DBN1: variants seen among roughly 807,000 people sequenced by gnomAD.
The protein encoded by DBN1 is drebrin.
Under a neutral mutation model 83.5 loss-of-function variants are expected in DBN1, and 21 were observed. The observed-to-expected ratio is 0.25, with a 90% CI of 0.18 to 0.36. DBN1 has a LOEUF of 0.36. Among genes scored for constraint, DBN1 ranks in the 10% least tolerant of loss-of-function variants. The pLI is 1.00. For missense variants in DBN1, 874 were observed against 935.7 expected (o/e 0.93, Z 0.86); for synonymous variants, 381 against 384.9 (o/e 0.99, Z 0.12).
At position 177,467,840 on chromosome 5, in the gene DBN1, G is replaced by A. The variant is rs1757561432; in HGVS notation, c.256-23C>T. 1.3e-6 allele frequency: 2 copies of A among 1,575,424 alleles called. No individual in the cohort carries two copies. Among genetic ancestry groups the A allele is most frequent in the African/African-American group, 1.4e-5 (1 of 73,666 alleles). ...CACCTGCAAAGTACCCAGCAAAGAG[G>A]GGGTCAGGAAAGGACAAGGGGGGCC... On this transcript the variant is annotated intron_variant, in intron 3 of 14. Transcript: ENST00000393565. The surrounding 1 kb of genome is among the most constrained non-coding windows in gnomAD (Gnocchi z 9.1).
chr5:177,457,000 A>T lies in DBN1; in HGVS notation c.*433T>A, dbSNP rs889306053. 1.1e-5 allele frequency: 2 copies of T among 179,474 alleles called. No homozygotes were observed. The highest frequency in any genetic ancestry group is 4.8e-5 in the African/African-American group (2 of 41,906). The allele number at this position is 179,474 out of a possible 1,614,324, so 11.1% of individuals were successfully genotyped here. A position where few individuals can be genotyped will look rare whatever the true frequency, so the allele number is the denominator to read the frequency against. ...GTGCAAAATATCTGAAGCCCTGGAC[A>T]GAGAATACAAAGTGATATTTTCCCA... On this transcript the variant is annotated 3_prime_UTR_variant, in exon 15 of 15. Coordinates refer to ENST00000393565, the MANE Select transcript of DBN1 (RefSeq NM_001363541.2).
chr5:177,471,633 A>C (rs1757849324), intron 1 of DBN1, among the ~76,000 whole-genome samples: 1 of 152,030 alleles, frequency 6.6e-6, no homozygotes, highest in South Asian at 2.1e-4. Flanking sequence ...AGTGATCCTC[A>C]CACCCCTTTT....
In DBN1 at chr5:177,460,566, G is replaced by C; in HGVS notation, c.832-11C>G. ...AATAGCTGCTGCCTCCTGAGGGCAC[G>C]AGGAAAAGGTTGGGGCTGGGCCAGG... On this transcript the variant is annotated splice_polypyrimidine_tract_variant and intron_variant, in intron 9 of 14. Transcript: ENST00000393565. The C allele has an allele frequency of 6.2e-7, 1 of 1,614,174 alleles. No homozygotes were observed. The highest frequency in any genetic ancestry group is 8.5e-7 in the Non-Finnish European group (1 of 1,180,026).
intron 1 of DBN1, among the ~76,000 whole-genome samples, chr5:177,472,565 C>T (rs1757929830): frequency 6.6e-6 from 1 of 152,254 alleles, no homozygotes; most frequent in East Asian, 1.9e-4. Context: ...TGAGGGGCGG[C>T]CCAGCTCCTC....
chr5:177,468,675 C>T lies in DBN1; in HGVS notation c.142+169G>A, dbSNP rs2127402308. The T allele has an allele frequency of 6.6e-6, 3 of 451,510 alleles. No homozygotes were observed. In the East Asian group the frequency reaches 9.6e-5, roughly 14 times the overall value. 28.0% of individuals were successfully genotyped at this position (451,510 alleles called of 1,614,324 possible). On this transcript the variant is annotated intron_variant, in intron 2 of 14. Transcript: ENST00000393565. ...TTCAACAAGGCTCTGAGATTCCTCC[C>T]CACCCTGGGGACACAGGGATGACTG...
intron 1 of DBN1, among the ~76,000 whole-genome samples, chr5:177,471,745 G>A (rs1034409961): frequency 4.7e-4 from 71 of 152,202 alleles, no homozygotes; most frequent in Admixed American, 4.3e-3. Context: ...GGGGGCTGAC[G>A]CACACCAGTG....
At position 177,458,177 on chromosome 5, in the gene DBN1, A is replaced by C. The variant is rs28538572; in HGVS notation, c.1795T>G (p.Ser599Ala). The change falls in exon 13 of 15, where the codon TCC (serine) becomes GCC (alanine). Residue 599 changes from serine (S) to alanine (A), a missense_variant. Coordinates refer to ENST00000393565, the MANE Select transcript of DBN1 (RefSeq NM_001363541.2). ...GTTGGGGTCTGGGGGGCAGCCAGGG[A>C]CTCCCCTTCCACTTCCTCTGGGTCA... ...FCDPEEVEGE[S>A]LAAPQTPTLP... The C allele has an allele frequency of 6.2e-7, 1 of 1,613,094 alleles. No homozygotes were observed. The highest frequency in any genetic ancestry group is 1.7e-5 in the Admixed American group (1 of 60,018).
rs758262610 is a variant in DBN1 at position 177,467,616 on chromosome 5, CA to C, written c.341del (p.Val114GlyfsTer3). 1 of 1,572,926 alleles carries C rather than the reference CA, an allele frequency of 6.4e-7. No homozygotes were observed. The highest frequency in any genetic ancestry group is 8.6e-7 in the Non-Finnish European group (1 of 1,159,024). On this transcript the variant is annotated frameshift_variant, in exon 5 of 15. Transcript: ENST00000393565. LOFTEE classifies it high-confidence loss of function. The surrounding 1 kb of genome is among the most constrained non-coding windows in gnomAD (Gnocchi z 9.1). Reference protein sequence around the residue: ...KVAEFFQGVDVIVNASSVEDI... With the variant: ...KVAEFFQGVDXIVNASSVEDI... ...CTTCCACGCTGCTGGCGTTCACGAT[CA>C]CGTCGACACCCTTCCGCAAGAAGAC...
rs537131326 is a variant in DBN1, at chr5:177,460,273, C to T, written c.955+159G>A. ...ACCATCCCTGGCCCTTCTTGGGGTCCTGCCACCTGGGAAGTGGTGGGCGGA... is the reference window on the plus strand; with the variant it reads ...ACCATCCCTGGCCCTTCTTGGGGTCTTGCCACCTGGGAAGTGGTGGGCGGA... On this transcript the variant is annotated intron_variant, in intron 10 of 14. Transcript: ENST00000393565. 2.0e-5 allele frequency among the ~76,000 whole-genome samples: 3 copies of T among 152,346 alleles called. No individual in the cohort carries two copies. The East Asian group carries it at 5.8e-4, about 29-fold the overall frequency.
Position 177,473,441 on chromosome 5 carries a change from G to C in DBN1, c.81C>G (p.Ala27=), listed in dbSNP as rs1757995714. 2.8e-6 allele frequency: 4 copies of C among 1,422,904 alleles called. No homozygotes were observed. The highest frequency in any genetic ancestry group is 3.7e-6 in the Non-Finnish European group (4 of 1,080,410). 88.1% of individuals were successfully genotyped at this position (1,422,904 alleles called of 1,614,324 possible). A position where few individuals can be genotyped will look rare whatever the true frequency, so the allele number is the denominator to read the frequency against. The part of the protein sequence containing the change: ...YEEVIREESA[A]DWALYTYEDG... ...GGCGGGGGCGGGGGGCTCACCAGTC[G>C]GCCGCGCTCTCCTCTCGGATCACCT... The change falls in exon 1 of 15, where the codon GCC becomes GCG. Residue 27 remains alanine, a synonymous_variant. Transcript: ENST00000393565.
In DBN1 at chr5:177,459,142, G is replaced by A. The variant is rs1460885566; in HGVS notation, c.1220C>T (p.Ser407Phe). The A allele has an allele frequency of 1.1e-5, 17 of 1,611,670 alleles. No homozygotes were observed. The highest frequency in any genetic ancestry group is 1.4e-5 in the Non-Finnish European group (17 of 1,178,988). The change falls in exon 12 of 15, where the codon TCC (serine) becomes TTC (phenylalanine). Residue 407 changes from serine to phenylalanine, a missense_variant. Around this residue, in one of 4 missense-constraint regions of DBN1, gnomAD observed 725 missense variants for 719.7 expected, o/e 1.01. Transcript: ENST00000393565. ...CGGTGGCAGTGGTGGAGGCTGCGAG[G>A]AGGTGACCTCATCCAGGGCCCGCTC... ...QIERALDEVT[S>F]SQPPPLPPPP...
intron 12 of DBN1, 59 bp downstream of exon 12, chr5:177,459,039 G>C: frequency 6.5e-7 from 1 of 1,541,156 alleles, no homozygotes; most frequent in Non-Finnish European, 8.7e-7. Flanking sequence ...TGGCAACCTG[G>C]GGCTCCCAGC....
intron 8 of DBN1, among the ~76,000 whole-genome samples, chr5:177,463,868 A>C (rs1757219233): frequency 6.6e-6 from 1 of 152,228 alleles, no homozygotes; most frequent in Non-Finnish European, 1.5e-5. Context: ...GGTGCAGTGC[A>C]CTTTGGGAGG....
rs748083662 is a variant in DBN1, at chr5:177,473,549, C to G, written c.-28G>C. The stretch of plus-strand genomic sequence containing the variant: ...TTCGGGCCGGACCGGGCCGAACGGA[C>G]AGACGCGCGGACGGACGGGCGGACG... On this transcript the variant is annotated 5_prime_UTR_variant, in exon 1 of 15. Coordinates refer to ENST00000393565, the MANE Select transcript of DBN1 (RefSeq NM_001363541.2). 9 of 1,340,522 alleles carry G rather than the reference C, an allele frequency of 6.7e-6. No individual in the cohort carries two copies. In the South Asian group the frequency reaches 1.4e-4, roughly 20 times the overall value. The allele number at this position is 1,340,522 out of a possible 1,614,324, so 83.0% of individuals were successfully genotyped here.
In DBN1 at chr5:177,472,693, G is replaced by A. The variant is rs528593791; in HGVS notation, c.86+743C>T. On this transcript the variant is annotated intron_variant, in intron 1 of 14. Transcript: ENST00000393565. ...AGAGGGCTTCCTCCCAGGGATCTCA[G>A]CTGGCCCCTTAGGCAGCTCGGTGCC... The A allele has an allele frequency of 2.1e-5, 15 of 724,892 alleles. No individual in the cohort carries two copies. In the African/African-American group the frequency reaches 2.9e-4, roughly 14 times the overall value. 44.9% of individuals were successfully genotyped at this position (724,892 alleles called of 1,614,324 possible).
At position 177,458,526 on chromosome 5, in the gene DBN1, C is replaced by T; in HGVS notation, c.1446G>A (p.Val482=). ...CCGTGGCGTCAGCTGTGGCAGGCTC[C>T]ACGGGAGCAGCCAGGACAGCCTGCT... ...SAEQAVLAAP[V]EPATADATEI... is the part of the protein sequence containing the mutation. Residue 482 remains valine, a synonymous_variant, in exon 13 of 15, where the codon GTG becomes GTA. Coordinates refer to ENST00000393565, the MANE Select transcript of DBN1 (RefSeq NM_001363541.2). 2 of 1,614,158 alleles carry T rather than the reference C, an allele frequency of 1.2e-6. No individual in the cohort carries two copies. Among genetic ancestry groups the T allele is most frequent in the African/African-American group, 1.3e-5 (1 of 75,044 alleles).
intron 8 of DBN1, among the ~76,000 whole-genome samples, chr5:177,461,375 G>A (rs1279090422): frequency 6.6e-6 from 1 of 151,920 alleles, no homozygotes; most frequent in Non-Finnish European, 1.5e-5. Context: ...TGGGATTACA[G>A]GCGTGAGCCA....
Position 177,458,150 on chromosome 5 carries a change from G to C in DBN1, c.1822C>G (p.Leu608Val), listed in dbSNP as rs768428144. 6.2e-7 allele frequency: 1 copy of C among 1,613,178 alleles called. No homozygotes were observed. Among genetic ancestry groups the C allele is most frequent in the East Asian group, 2.2e-5 (1 of 44,860 alleles). Reference protein sequence around the residue: ...ESLAAPQTPTLPSALEELEQE... With the variant: ...ESLAAPQTPTVPSALEELEQE... ...TCCAGCTCCTCAAGGGCTGAGGGCA[G>C]AGTTGGGGTCTGGGGGGCAGCCAGG... The change falls in exon 13 of 15, where the codon CTG becomes GTG. Residue 608 changes from leucine (L) to valine (V), a missense_variant. By Grantham distance (32) the Leu-to-Val change is conservative (BLOSUM62 1). This residue lies in a region of DBN1 where 725 missense variants were observed against 719.7 expected (regional missense o/e 1.01). Coordinates refer to ENST00000393565, the MANE Select transcript of DBN1 (RefSeq NM_001363541.2).
intron 2 of DBN1, 130 bp downstream of exon 2, chr5:177,468,714 C>T (rs565914433): frequency 1.6e-4 from 86 of 545,210 alleles, no homozygotes; most frequent in African/African-American, 4.6e-4. Flanking sequence ...GAAGGACACC[C>T]GCCAGATCCA....
Sources: allele counts gnomAD v4.1 joint callset (sites outside exome capture counted in the v4.1 genomes callset), GRCh38; gene constraint gnomAD v4.1.1; regional missense constraint gnomAD v4.1.1; non-coding constraint Gnocchi (gnomAD v3.1); transcripts MANE v1.5; gene names NCBI Gene and HGNC (gene_info 2026-07-23, HGNC 2026-07-21).